Variants in RBFOX1 observed in about 807,000 individuals in gnomAD.
RBFOX1 encodes the protein RNA binding protein fox-1 homolog 1.
A neutral mutation model predicts 57.7 loss-of-function variants in RBFOX1; 8 were observed. That is an observed-to-expected ratio of 0.14 (90% CI 0.08 to 0.25). The LOEUF is 0.25. RBFOX1 is among the 10% of genes least tolerant of loss of function. The pLI is 1.00. For synonymous variants in RBFOX1, 326 were observed against 222.4 expected (o/e 1.47, Z -4.15); for missense variants, 611 against 548.5 (o/e 1.11, Z -1.14).
chr16:5,357,563 A>C (rs1293171887), intron 1 of RBFOX1, among the ~76,000 whole-genome samples: 8 of 152,190 alleles, frequency 5.3e-5, no homozygotes, highest in Admixed American at 5.2e-4. Flanking sequence ...GATCTTGTGA[A>C]AATGTAGATT....
Position 6,845,519 on chromosome 16 carries a change from G to T in RBFOX1, c.-16+190869G>T, listed in dbSNP as rs1764489897. Among the ~76,000 whole-genome samples, 3 of 152,218 alleles carry T rather than the reference G, an allele frequency of 2.0e-5. No individual in the cohort carries two copies. The South Asian group carries it at 6.2e-4, about 32-fold the overall frequency. ...GTGCAGTCTTATTTCTGAGTTCTGT[G>T]TTCTGTTCCGTTGGTCGTTGTGTCT... On this transcript the variant is annotated intron_variant, in intron 3 of 15. Transcript: ENST00000550418.
intron 3 of RBFOX1, among the ~76,000 whole-genome samples, chr16:6,876,045 C>T (rs1055329177): frequency 2.0e-5 from 3 of 151,594 alleles, no homozygotes; most frequent in South Asian, 2.1e-4. Context: ...TAGTAACACA[C>T]GTCTATAGTC....
chr16:5,571,332 T>C (rs913046884), intron 2 of RBFOX1, among the ~76,000 whole-genome samples: 10 of 149,456 alleles, frequency 6.7e-5, no homozygotes, highest in African/African-American at 2.4e-4. Context: ...GTGATTTTAC[T>C]GCCTCAGCCT....
chr16:5,406,119 T>C (rs1425761798), intron 1 of RBFOX1, among the ~76,000 whole-genome samples: 2 of 152,254 alleles, frequency 1.3e-5, no homozygotes, highest in Non-Finnish European at 2.9e-5. Context: ...TATTCATTCA[T>C]TCATTTATTC....
chr16:7,604,904 C>T (rs1250982725), intron 9 of RBFOX1, among the ~76,000 whole-genome samples: 2 of 152,116 alleles, frequency 1.3e-5, no homozygotes. Flanking sequence ...AAGACACCAT[C>T]TCCACTACCA....
intron 3 of RBFOX1, among the ~76,000 whole-genome samples, chr16:7,004,908 G>T (rs7200984): frequency 6.6e-6 from 1 of 152,224 alleles, no homozygotes; most frequent in African/African-American, 2.4e-5. Context: ...CCAGGACTTT[G>T]TAAGGTGGGC....
intron 2 of RBFOX1, among the ~76,000 whole-genome samples, chr16:6,554,846 A>C (rs2097067580): frequency 6.7e-6 from 1 of 148,920 alleles, no homozygotes; most frequent in African/African-American, 2.6e-5. Flanking sequence ...TCTCCCTCTC[A>C]CTCTCGCTCT....
chr16:6,439,602 G>C (rs1483343232), intron 2 of RBFOX1, among the ~76,000 whole-genome samples: 2 of 152,166 alleles, frequency 1.3e-5, no homozygotes, highest in East Asian at 3.9e-4. Context: ...TACCCTTCCT[G>C]ATTTCTTGAC....
At chr16:6,612,667 C>A (rs1236319070) in intron 2 of RBFOX1, among the ~76,000 whole-genome samples, 3 of 151,808 alleles carry the variant, frequency 2.0e-5, no homozygotes, top group East Asian at 3.9e-4. Flanking sequence ...GCCTGGCCAA[C>A]ATGACAAAAC....
chr16:7,000,235 A>C (rs1288997972), intron 3 of RBFOX1, among the ~76,000 whole-genome samples: 1 of 152,170 alleles, frequency 6.6e-6, no homozygotes, highest in Non-Finnish European at 1.5e-5. Flanking sequence ...TAATATAAGC[A>C]AGCATTCTAT....
chr16:5,888,323 T>G (rs998310705), intron 4 of RBFOX1, among the ~76,000 whole-genome samples: 1 of 152,342 alleles, frequency 6.6e-6, no homozygotes, highest in South Asian at 2.1e-4. Flanking sequence ...CATCTTCCTT[T>G]ATTCTACAAA....
chr16:7,260,949 C>A (rs912485562), intron 4 of RBFOX1, among the ~76,000 whole-genome samples: 3 of 152,198 alleles, frequency 2.0e-5, no homozygotes, highest in Admixed American at 6.5e-5. Context: ...CAAACACCTA[C>A]AGCCCCTTCA....
intron 4 of RBFOX1, among the ~76,000 whole-genome samples, chr16:7,359,429 GA>G (rs1167276660): frequency 6.6e-6 from 1 of 152,134 alleles, no homozygotes; most frequent in Non-Finnish European, 1.5e-5. Flanking sequence ...TGATACTAGG[GA>G]AAATAATTTA....
At chr16:5,328,413 C>A (rs1258915078) in intron 1 of RBFOX1, among the ~76,000 whole-genome samples, 1 of 152,208 alleles carries the variant, frequency 6.6e-6, no homozygotes, top group Non-Finnish European at 1.5e-5. Flanking sequence ...TTCTAGCCTA[C>A]AGAATTGTGA....
intron 2 of RBFOX1, among the ~76,000 whole-genome samples, chr16:6,491,760 G>C (rs778186372): frequency 2.5e-4 from 38 of 152,292 alleles, no homozygotes; most frequent in African/African-American, 9.1e-4. Context: ...CCAACAGCTA[G>C]TGACTAAAAG....
intron 14 of RBFOX1, among the ~76,000 whole-genome samples, chr16:7,701,455 G>C (rs1164483950): frequency 6.6e-6 from 1 of 152,252 alleles, no homozygotes; most frequent in East Asian, 1.9e-4. Context: ...AGGCATCTAG[G>C]TTGCACACTC....
intron 2 of RBFOX1, among the ~76,000 whole-genome samples, chr16:6,548,345 A>C (rs369296277): frequency 3.3e-5 from 5 of 152,316 alleles, no homozygotes; most frequent in African/African-American, 1.2e-4. Context: ...TAGAAATGAG[A>C]ATTCCAAAGG....
chr16:7,636,012 G>A (rs757323237), intron 11 of RBFOX1, among the ~76,000 whole-genome samples: 4 of 152,106 alleles, frequency 2.6e-5, no homozygotes, highest in Admixed American at 2.0e-4. Context: ...GGAGTTTCAC[G>A]TGTTAGCCAG....
At chr16:7,389,957 A>T (rs986318638) in intron 4 of RBFOX1, among the ~76,000 whole-genome samples, 1 of 152,166 alleles carries the variant, frequency 6.6e-6, no homozygotes, top group Non-Finnish European at 1.5e-5. Context: ...TAAAGGAAAG[A>T]GGTTTAATTG....
Sources: gnomAD v4.1 joint callset for allele counts (sites outside exome capture counted in the v4.1 genomes callset) on GRCh38, gnomAD v4.1.1 for gene constraint, MANE v1.5 for transcripts, NCBI Gene and HGNC (gene_info 2026-07-23, HGNC 2026-07-21) for gene names.